Variants in TPO observed in about 807,000 individuals in gnomAD.
TPO encodes the protein thyroid peroxidase.
Under a neutral mutation model 96.9 loss-of-function variants are expected in TPO, and 78 were observed. That is an observed-to-expected ratio of 0.81 (90% CI 0.67 to 0.97). The LOEUF (loss-of-function observed/expected upper bound fraction) is 0.97, where lower values mean the gene tolerates loss of function less well. Among genes scored for constraint, TPO ranks in the 50% least tolerant of loss-of-function variants. The pLI is 0.00. For synonymous variants in TPO, 547 were observed against 538.0 expected, an observed-to-expected ratio of 1.02 and a Z score of -0.23; for missense variants, 1,252 against 1,274.8, an observed-to-expected ratio of 0.98 and a Z score of 0.27.
At chr2:1,425,185 A>G (rs2138017) in intron 3 of TPO, among the ~76,000 whole-genome samples, 124,369 of 149,866 alleles carry the variant, frequency 0.83, 51,682 homozygotes, top group South Asian at 0.89. Context: ...TCAGAAGTCC[A>G]TGCTCCTTCT....
chr2:1,513,239 A>G (rs1674345632), intron 14 of TPO, among the ~76,000 whole-genome samples: 1 of 152,240 alleles, frequency 6.6e-6, no homozygotes, highest in African/African-American at 2.4e-5. Context: ...AAGGGTGGAC[A>G]CAGACAGCAG....
At chr2:1,479,885 G>A (rs1411549091) in intron 8 of TPO, among the ~76,000 whole-genome samples, 5 of 151,856 alleles carry the variant, frequency 3.3e-5, no homozygotes, top group East Asian at 1.9e-4. Flanking sequence ...AGGTTCAAGC[G>A]ATTCTCCTGC....
intron 16 of TPO, chr2:1,541,375 T>TTGA (rs66592009): frequency 2.8e-5 from 6 of 217,128 alleles, no homozygotes; most frequent in East Asian, 1.4e-4. Flanking sequence ...TTTTTTTTTT[T>TTGA]GAGATAGAGT....
At chr2:1,528,832 C>A (rs1164474793) in intron 15 of TPO, among the ~76,000 whole-genome samples, 1 of 143,748 alleles carries the variant, frequency 7.0e-6, no homozygotes, top group African/African-American at 2.7e-5. Flanking sequence ...CCAAATCCTC[C>A]TACTGTGTGC....
intron 9 of TPO, 23 bp downstream of exon 9, chr2:1,484,877 G>A (rs768518617): frequency 6.2e-7 from 1 of 1,613,186 alleles, no homozygotes; most frequent in Non-Finnish European, 8.5e-7. Context: ...GGTCCCTGCA[G>A]CTGGTCCCCA....
intron 1 of TPO, among the ~76,000 whole-genome samples, chr2:1,397,707 C>T (rs1207091678): frequency 2.6e-5 from 4 of 152,176 alleles, no homozygotes; most frequent in Admixed American, 6.5e-5. Flanking sequence ...AAGCCTCCCA[C>T]CCCCGGGTCC....
chr2:1,531,282 C>T (rs1473418942), intron 15 of TPO, among the ~76,000 whole-genome samples: 3 of 127,616 alleles, frequency 2.4e-5, no homozygotes, highest in Non-Finnish European at 5.0e-5. Context: ...CTCAAATCCC[C>T]CCTAATGTCA....
intron 8 of TPO, among the ~76,000 whole-genome samples, chr2:1,482,595 C>T (rs983046199): frequency 2.0e-5 from 3 of 152,200 alleles, no homozygotes; most frequent in Non-Finnish European, 2.9e-5. Flanking sequence ...TTCCCCCATG[C>T]GACCAGGTAA....
rs1033955120 is a variant in TPO at position 1,467,308 on chromosome 2, T to C, written c.820-9778T>C. Among the ~76,000 whole-genome samples, 13 of 152,252 alleles carry C rather than the reference T, an allele frequency of 8.5e-5. No individual in the cohort carries two copies. The East Asian group carries it at 2.5e-3, about 29-fold the overall frequency. Reference sequence around the variant, plus strand: ...TTAGTAGAGATTGGGTTTCACCATGTTGGCCAGACTGGTCTTGAATTCCTG... The same window carrying C: ...TTAGTAGAGATTGGGTTTCACCATGCTGGCCAGACTGGTCTTGAATTCCTG... On this transcript the variant is annotated intron_variant, in intron 7 of 16. Coordinates refer to ENST00000329066, the MANE Select transcript of TPO (RefSeq NM_001206744.2).
At chr2:1,537,479 T>TCC in intron 15 of TPO, among the ~76,000 whole-genome samples, 1 of 33,222 alleles carries the variant, frequency 3.0e-5, no homozygotes, top group Middle Eastern at 0.019. Flanking sequence ...CTCAAATTCT[T>TCC]CCACTCTGTG....
At chr2:1,514,387 C>A (rs1674469052) in intron 14 of TPO, among the ~76,000 whole-genome samples, 1 of 152,238 alleles carries the variant, frequency 6.6e-6, no homozygotes, top group Non-Finnish European at 1.5e-5. Context: ...CAAGCGGACA[C>A]ATAAAATTAA....
intron 1 of TPO, among the ~76,000 whole-genome samples, chr2:1,401,803 G>A (rs1247835449): frequency 6.6e-6 from 1 of 152,196 alleles, no homozygotes; most frequent in Non-Finnish European, 1.5e-5. Flanking sequence ...AAGCCACTCT[G>A]CAGCACATCC....
intron 15 of TPO, among the ~76,000 whole-genome samples, chr2:1,524,535 TGTGCAACCTCAGGTCCC>T (rs1675978216): frequency 8.9e-6 from 1 of 112,842 alleles, no homozygotes; most frequent in African/African-American, 3.5e-5. Context: ...CCACCCACTG[TGTGCAACCTCAGGTCCC>T]CCACTGTGTG....
chr2:1,415,395 G>A (rs1403578452), intron 2 of TPO, among the ~76,000 whole-genome samples: 2 of 138,736 alleles, frequency 1.4e-5, no homozygotes, highest in African/African-American at 5.5e-5. Flanking sequence ...ACACAGTCTC[G>A]GGGCCCCTGG....
At chr2:1,499,049 C>T (rs1672624470) in intron 13 of TPO, among the ~76,000 whole-genome samples, 1 of 152,126 alleles carries the variant, frequency 6.6e-6, no homozygotes. Context: ...AGACGTTTCA[C>T]GTGTCCATTT....
intron 7 of TPO, among the ~76,000 whole-genome samples, chr2:1,475,094 A>T (rs1669770213): frequency 6.6e-6 from 1 of 152,180 alleles, no homozygotes; most frequent in South Asian, 2.1e-4. Flanking sequence ...CTTTTCATTG[A>T]TTTCTGGAGA....
intron 3 of TPO, among the ~76,000 whole-genome samples, chr2:1,424,399 G>T (rs1664107044): frequency 6.6e-6 from 1 of 152,172 alleles, no homozygotes; most frequent in Non-Finnish European, 1.5e-5. Context: ...AGAAGGAGGT[G>T]TGTCTGACCC....
At chr2:1,521,098 G>A (rs878958043) in intron 15 of TPO, among the ~76,000 whole-genome samples, 1 of 152,078 alleles carries the variant, frequency 6.6e-6, no homozygotes, top group South Asian at 2.1e-4. Context: ...CCTTTTTGCT[G>A]TTTTCAGTTG....
intron 1 of TPO, among the ~76,000 whole-genome samples, chr2:1,402,718 C>CT (rs1662191460): frequency 1.3e-5 from 2 of 152,124 alleles, no homozygotes; most frequent in Non-Finnish European, 2.9e-5. Flanking sequence ...CAGCACCAAC[C>CT]AGGAGAACAG....
Sources: allele counts gnomAD v4.1 joint callset (sites outside exome capture counted in the v4.1 genomes callset), GRCh38; gene constraint gnomAD v4.1.1; transcripts MANE v1.5; gene names NCBI Gene and HGNC (gene_info 2026-07-23, HGNC 2026-07-21).